Variants in CDH18 observed in about 807,000 individuals in gnomAD.
CDH18 encodes the protein cadherin-18.
A neutral mutation model predicts 67.9 loss-of-function variants in CDH18; 31 were observed. The ratio of observed to expected loss-of-function variants is 0.46; its 90% confidence interval spans 0.34 to 0.62. The LOEUF (loss-of-function observed/expected upper bound fraction) is 0.62. CDH18 is among the 20% of genes least tolerant of loss of function. CDH18 has a pLI of 0.01. For missense variants in CDH18, 890 were observed against 975.5 expected (o/e 0.91, Z 1.17); for synonymous variants, 362 against 347.2 (o/e 1.04, Z -0.48).
chr5:20,404,572 T>G (rs1746060758), intron 1 of CDH18, among the ~76,000 whole-genome samples: 1 of 152,090 alleles, frequency 6.6e-6, no homozygotes, highest in Admixed American at 6.6e-5. Context: ...TGGCTGGTTC[T>G]TAGAGCACCC....
chr5:19,554,841 G>C (rs1296018452), intron 8 of CDH18, among the ~76,000 whole-genome samples: 6 of 152,126 alleles, frequency 3.9e-5, no homozygotes, highest in African/African-American at 1.2e-4. Context: ...TTCTTGTCCA[G>C]TGTCAATTAT....
intron 5 of CDH18, among the ~76,000 whole-genome samples, chr5:19,626,467 C>T (rs1751564037): frequency 6.6e-6 from 1 of 152,108 alleles, no homozygotes; most frequent in African/African-American, 2.4e-5. Context: ...CCTTGGATTC[C>T]TTTATCCTGA....
intron 3 of CDH18, among the ~76,000 whole-genome samples, chr5:19,814,688 T>G (rs1455412987): frequency 6.6e-6 from 1 of 151,968 alleles, no homozygotes; most frequent in Non-Finnish European, 1.5e-5. Flanking sequence ...GAATGCAGGT[T>G]GAATAATACT....
At chr5:20,510,502 C>G (rs895300349) in intron 1 of CDH18, among the ~76,000 whole-genome samples, 1 of 151,938 alleles carries the variant, frequency 6.6e-6, no homozygotes, top group African/African-American at 2.4e-5. Flanking sequence ...ATTATCTAAT[C>G]GTTTTAAAGA....
rs1799747708 is a variant in CDH18 at position 19,988,128 on chromosome 5, T to C, written c.-418A>G. 1 of 152,148 alleles carries C rather than the reference T, an allele frequency of 6.6e-6. No homozygotes were observed. The highest frequency in any genetic ancestry group is 6.5e-5 in the Admixed American group (1 of 15,278). The allele number at this position is 152,148 out of a possible 1,614,324, so 9.4% of individuals were successfully genotyped here. On this transcript the variant is annotated 5_prime_UTR_variant, in exon 1 of 13. Coordinates refer to ENST00000382275, the MANE Select transcript of CDH18 (RefSeq NM_004934.5). ...AACTGGTGGAAAGGAACTTAATTTA[T>C]AAGAAGCAAAGAGAGGGGACTTTCC...
chr5:19,524,245 C>T (rs1013419652), intron 9 of CDH18, among the ~76,000 whole-genome samples: 2 of 150,296 alleles, frequency 1.3e-5, no homozygotes, highest in East Asian at 1.9e-4. Context: ...TTTATATTGG[C>T]ATAGTTAATA....
intron 1 of CDH18, among the ~76,000 whole-genome samples, chr5:20,403,226 C>G (rs1278553604): frequency 6.6e-6 from 1 of 152,116 alleles, no homozygotes; most frequent in Non-Finnish European, 1.5e-5. Context: ...TTTACATTGT[C>G]CAGCTCCATC....
intron 2 of CDH18, among the ~76,000 whole-genome samples, chr5:20,104,100 A>G (rs1746713357): frequency 6.6e-6 from 1 of 150,630 alleles, no homozygotes; most frequent in African/African-American, 2.4e-5. Context: ...ATATAGCTAT[A>G]TAGAGATTAT....
chr5:19,502,889 G>T, intron 11 of CDH18, 103 bp downstream of exon 11: 1 of 781,658 alleles, frequency 1.3e-6, no homozygotes, highest in Non-Finnish European at 2.3e-6. Flanking sequence ...GACTTTGAAT[G>T]CTGATTTGCA....
chr5:20,416,576 T>C (rs992278370), intron 1 of CDH18, among the ~76,000 whole-genome samples: 18 of 152,086 alleles, frequency 1.2e-4, no homozygotes, highest in Non-Finnish European at 2.1e-4. Flanking sequence ...TTAAGTGGTA[T>C]AAATAAAAAG....
chr5:19,505,777 C>G (rs1744039917), intron 10 of CDH18, among the ~76,000 whole-genome samples: 1 of 151,978 alleles, frequency 6.6e-6, no homozygotes, highest in Non-Finnish European at 1.5e-5. Flanking sequence ...GTCTAAAATT[C>G]TCTTTTTTTG....
chr5:19,621,458 C>G (rs144904473), intron 5 of CDH18, among the ~76,000 whole-genome samples: 2 of 151,960 alleles, frequency 1.3e-5, no homozygotes, highest in Non-Finnish European at 2.9e-5. Flanking sequence ...TTTTTATATA[C>G]CTGTTGTCCA....
chr5:20,100,978 G>A (rs1265492312), intron 2 of CDH18, among the ~76,000 whole-genome samples: 1 of 151,756 alleles, frequency 6.6e-6, no homozygotes, highest in East Asian at 1.9e-4. Flanking sequence ...TCTAAGACAG[G>A]GTCTCACTCC....
At chr5:19,869,505 T>A (rs1785979862) in intron 2 of CDH18, among the ~76,000 whole-genome samples, 1 of 152,100 alleles carries the variant, frequency 6.6e-6, no homozygotes. Flanking sequence ...TTGGTTTTTA[T>A]TTTCTCTATC....
intron 11 of CDH18, among the ~76,000 whole-genome samples, chr5:19,485,826 A>G (rs898696048): frequency 2.0e-5 from 3 of 152,178 alleles, no homozygotes; most frequent in African/African-American, 7.2e-5. Context: ...TGGTCCCTGA[A>G]TCTCAGGAAA....
intron 2 of CDH18, among the ~76,000 whole-genome samples, chr5:20,135,560 T>C (rs1033135692): frequency 6.6e-6 from 1 of 152,218 alleles, no homozygotes; most frequent in Non-Finnish European, 1.5e-5. Context: ...ATTCATTGAT[T>C]TTTTGAAGAG....
At chr5:19,695,022 A>G (rs1029266536) in intron 5 of CDH18, among the ~76,000 whole-genome samples, 7 of 152,206 alleles carry the variant, frequency 4.6e-5, no homozygotes, top group African/African-American at 9.6e-5. Flanking sequence ...GGGAGGGTCC[A>G]TAATTAGTGT....
intron 4 of CDH18, among the ~76,000 whole-genome samples, chr5:19,723,120 T>A (rs1321673608): frequency 6.6e-6 from 1 of 151,914 alleles, no homozygotes; most frequent in Non-Finnish European, 1.5e-5. Flanking sequence ...AATACAAAAA[T>A]TAGCTGGGCA....
chr5:19,790,442 T>C (rs1368607334), intron 3 of CDH18, among the ~76,000 whole-genome samples: 3 of 152,170 alleles, frequency 2.0e-5, no homozygotes, highest in Admixed American at 6.6e-5. Flanking sequence ...GAAAGGTATA[T>C]TGTATGTGCA....
Sources: allele counts gnomAD v4.1 joint callset (sites outside exome capture counted in the v4.1 genomes callset), GRCh38; gene constraint gnomAD v4.1.1; transcripts MANE v1.5; gene names NCBI Gene and HGNC (gene_info 2026-07-23, HGNC 2026-07-21).